The following STK17B variants were observed in gnomAD, a reference collection of about 807,000 sequenced individuals.
The protein encoded by STK17B is serine/threonine-protein kinase 17B.
Under a neutral mutation model 42.0 loss-of-function variants are expected in STK17B, and 21 were observed. The ratio of observed to expected loss-of-function variants is 0.50; its 90% CI spans 0.35 to 0.72. The LOEUF is 0.72. STK17B is among the 30% of genes least tolerant of loss of function. STK17B has a pLI of 0.00. For missense variants in STK17B, 349 were observed against 446.0 expected, an observed-to-expected ratio of 0.78 and a Z score of 1.96; for synonymous variants, 143 against 148.4, an observed-to-expected ratio of 0.96 and a Z score of 0.26.
chr2:196,152,170 G>A (rs913596112), intron 3 of STK17B, among the ~76,000 whole-genome samples: 10 of 149,044 alleles, frequency 6.7e-5, no homozygotes, highest in Admixed American at 1.3e-4. Flanking sequence ...GTAGTGGTGC[G>A]ATCTCAGCTC....
intron 4 of STK17B, among the ~76,000 whole-genome samples, chr2:196,144,846 C>G (rs1383813528): frequency 1.3e-5 from 2 of 152,058 alleles, no homozygotes; most frequent in Admixed American, 1.3e-4. Flanking sequence ...AGTCGCTTAA[C>G]TTTGGGGCAA....
chr2:196,172,620 A>G (rs958092356), upstream of STK17B, among the ~76,000 whole-genome samples: 1 of 152,182 alleles, frequency 6.6e-6, no homozygotes, highest in African/African-American at 2.4e-5. Context: ...TCCCTTTCCT[A>G]CTGCATTTTC....
Position 196,167,809 on chromosome 2 carries a change from T to C in STK17B, c.-45+3524A>G, listed in dbSNP as rs77524273. The stretch of plus-strand genomic sequence containing the variant: ...TATCACTGATAAGTCTAGATCATCA[T>C]GAAGTACATTGGAAAGGCAACAGGA... On this transcript the variant is annotated intron_variant, in intron 1 of 7. Transcript: ENST00000263955. 3.8e-3 allele frequency among the ~76,000 whole-genome samples: 578 copies of C among 152,298 alleles called. 1 individual carries two copies. Among genetic ancestry groups the C allele is most frequent in the Non-Finnish European group, 6.5e-3 (442 of 68,022 alleles).
At chr2:196,144,319 C>T (rs10191029) in intron 4 of STK17B, among the ~76,000 whole-genome samples, 96,446 of 150,192 alleles carry the variant, frequency 0.64, 31,226 homozygotes, top group East Asian at 0.9. Context: ...TGAAACCCCG[C>T]CTCTACTAAA....
intron 3 of STK17B, among the ~76,000 whole-genome samples, chr2:196,155,740 C>T (rs1699729713): frequency 1.3e-5 from 2 of 152,146 alleles, no homozygotes; most frequent in Non-Finnish European, 2.9e-5. Context: ...GACAATCATG[C>T]AACAAAGGCA....
intron 3 of STK17B, among the ~76,000 whole-genome samples, chr2:196,149,914 C>T (rs1271927192): frequency 6.6e-6 from 1 of 152,076 alleles, no homozygotes; most frequent in African/African-American, 2.4e-5. Flanking sequence ...CTATGATTGT[C>T]AGCCAATCAC....
intron 3 of STK17B, among the ~76,000 whole-genome samples, chr2:196,149,163 ATT>A (rs58482045): frequency 2.1e-5 from 3 of 143,654 alleles, no homozygotes; most frequent in Admixed American, 7.0e-5. Flanking sequence ...GATAACAGCT[ATT>A]TTTTTTTTTT....
intron 7 of STK17B, among the ~76,000 whole-genome samples, chr2:196,138,598 T>C (rs890955054): frequency 1.3e-5 from 2 of 151,474 alleles, no homozygotes; most frequent in Non-Finnish European, 2.9e-5. Context: ...TTTTTTGCAA[T>C]GTAGTCTCAC....
intron 3 of STK17B, chr2:196,156,056 T>C (rs1489077320): frequency 1.3e-5 from 2 of 158,488 alleles, no homozygotes; most frequent in East Asian, 1.9e-4. Flanking sequence ...ACTTCAATTC[T>C]CCTTTCTATT....
chr2:196,146,620 C>G (rs1699580074), intron 3 of STK17B, among the ~76,000 whole-genome samples: 1 of 152,120 alleles, frequency 6.6e-6, no homozygotes, highest in Non-Finnish European at 1.5e-5. Flanking sequence ...TGCAGCCTGC[C>G]TTCACTGCAA....
intron 1 of STK17B, among the ~76,000 whole-genome samples, chr2:196,164,589 C>T (rs1575186775): frequency 1.3e-5 from 2 of 152,146 alleles, no homozygotes; most frequent in Non-Finnish European, 2.9e-5. Flanking sequence ...ACCCGCTAAG[C>T]ATTTGTTCCT....
intron 7 of STK17B, among the ~76,000 whole-genome samples, chr2:196,139,371 A>G (rs1699459741): frequency 6.6e-6 from 1 of 152,230 alleles, no homozygotes; most frequent in Non-Finnish European, 1.5e-5. Flanking sequence ...AGGGATTAGT[A>G]GTGGTTTGTG....
At position 196,137,212 on chromosome 2, in the gene STK17B, C is replaced by T. The variant is rs1699418775; in HGVS notation, c.*235G>A. The T allele has an allele frequency of 4.5e-6, 2 of 445,340 alleles. No homozygotes were observed. The highest frequency in any genetic ancestry group is 4.0e-5 in the South Asian group (1 of 24,714). 27.6% of individuals were successfully genotyped at this position (445,340 alleles called of 1,614,324 possible). Reference sequence around the variant, plus strand: ...TCATTAACATGTAAACTCACATGTACAATTTTACTTTTTGTCATATATTTA... The same window carrying T: ...TCATTAACATGTAAACTCACATGTATAATTTTACTTTTTGTCATATATTTA... On this transcript the variant is annotated 3_prime_UTR_variant, in exon 8 of 8. Transcript: ENST00000263955.
At chr2:196,140,492 A>C (rs1477636338) in intron 6 of STK17B, among the ~76,000 whole-genome samples, 1 of 151,448 alleles carries the variant, frequency 6.6e-6, no homozygotes, top group African/African-American at 2.4e-5. Context: ...AAAAACTCAT[A>C]ATTTCCCAGA....
intron 4 of STK17B, among the ~76,000 whole-genome samples, chr2:196,144,643 G>C (rs985663568): frequency 1.3e-5 from 2 of 152,106 alleles, no homozygotes; most frequent in African/African-American, 4.8e-5. Flanking sequence ...GGATGAGCCA[G>C]GTCTGACTGT....
intron 5 of STK17B, 66 bp downstream of exon 5, chr2:196,143,494 T>G: frequency 7.1e-7 from 1 of 1,416,152 alleles, no homozygotes; most frequent in Non-Finnish European, 9.5e-7. Context: ...TAAAATATAG[T>G]TCTACAGAGG....
intron 3 of STK17B, chr2:196,154,098 G>A (rs1294238991): frequency 2.0e-5 from 3 of 152,220 alleles, no homozygotes; most frequent in African/African-American, 7.2e-5. Flanking sequence ...GCTGGGCATG[G>A]TGGCACGTGC....
Position 196,143,605 on chromosome 2 carries a change from G to T in STK17B, c.562C>A (p.His188Asn), listed in dbSNP as rs373533424. ...VDFGMSRKIG[H>N]ACELREIMGT... ...ATGATTTCCCGAAGTTCACACGCATGCCCTATTTTTCGAGACATTCCAAAA... is the reference window on the plus strand; with the variant it reads ...ATGATTTCCCGAAGTTCACACGCATTCCCTATTTTTCGAGACATTCCAAAA... The change falls in exon 5 of 8, where the codon CAT (histidine) becomes AAT (asparagine). Residue 188 changes from histidine (H) to asparagine (N), a missense_variant. By Grantham distance (68) the His-to-Asn change is moderately conservative. Around this residue, in one of 3 missense-constraint regions of STK17B, gnomAD observed 256 missense variants for 347.7 expected, o/e 0.74. Coordinates refer to ENST00000263955, the MANE Select transcript of STK17B (RefSeq NM_004226.4). The T allele has an allele frequency of 1.9e-6, 3 of 1,609,448 alleles. No homozygotes were observed. In the Admixed American group the frequency reaches 5.1e-5, roughly 27 times the overall value.
intron 1 of STK17B, among the ~76,000 whole-genome samples, chr2:196,164,322 T>G (rs1354994238): frequency 1.3e-5 from 2 of 152,190 alleles, no homozygotes; most frequent in African/African-American, 4.8e-5. Flanking sequence ...GAGCCTGCTA[T>G]GTATGAAGTG....
Sources: allele counts gnomAD v4.1 joint callset (sites outside exome capture counted in the v4.1 genomes callset), GRCh38; gene constraint gnomAD v4.1.1; regional missense constraint gnomAD v4.1.1; transcripts MANE v1.5; gene names NCBI Gene and HGNC (gene_info 2026-07-23, HGNC 2026-07-21).